Variants in EEA1 observed in about 807,000 individuals in gnomAD.
EEA1 encodes early endosome antigen 1, also known as early endosome antigen 1, 162kD.
A neutral mutation model predicts 209.2 loss-of-function variants in EEA1; 111 were observed. The ratio of observed to expected loss-of-function variants is 0.53; its 90% CI spans 0.45 to 0.62. The LOEUF is 0.62. EEA1 is among the 20% of genes least tolerant of loss of function. EEA1 has a pLI of 0.00. For missense variants in EEA1, 1,343 were observed against 1,530.8 expected (o/e 0.88, Z 2.05); for synonymous variants, 536 against 540.6 (o/e 0.99, Z 0.12).
chr12:92,892,060 C>G (rs1879673849), intron 1 of EEA1, among the ~76,000 whole-genome samples: 1 of 152,048 alleles, frequency 6.6e-6, no homozygotes, highest in South Asian at 2.1e-4. Context: ...AGATTTAAAG[C>G]AGGAAGTGAC....
chr12:92,921,226 T>G (rs1173691533), intron 1 of EEA1, among the ~76,000 whole-genome samples: 5 of 141,798 alleles, frequency 3.5e-5, no homozygotes, highest in East Asian at 2.0e-4. Context: ...AAATACCATT[T>G]GACCCAGCCA....
At chr12:92,787,437 C>T (rs1874182840) in intron 22 of EEA1, among the ~76,000 whole-genome samples, 1 of 151,990 alleles carries the variant, frequency 6.6e-6, no homozygotes, top group Admixed American at 6.6e-5. Flanking sequence ...GCTATAATCT[C>T]CTAATTTTAA....
At chr12:92,917,557 C>G (rs1416014587) in intron 1 of EEA1, among the ~76,000 whole-genome samples, 1 of 150,494 alleles carries the variant, frequency 6.6e-6, no homozygotes, top group Non-Finnish European at 1.5e-5. Flanking sequence ...GAGATTTTGT[C>G]ACCACCAGAC....
At position 92,781,943 on chromosome 12, in the gene EEA1, G is replaced by C; in HGVS notation, c.3336+7C>G. 1 of 1,601,682 alleles carries C rather than the reference G, an allele frequency of 6.2e-7. No homozygotes were observed. On this transcript the variant is annotated splice_region_variant and intron_variant, in intron 23 of 28. Coordinates refer to ENST00000322349, the MANE Select transcript of EEA1 (RefSeq NM_003566.4). ...GATTGTAGATTTAGGTCAGAAACAT[G>C]CAATACCTTTTCTTTCTGAATGTCT...
chr12:92,806,942 A>ATTTTTTTTTTTTTTTTTTTTT (rs34717047), intron 18 of EEA1, among the ~76,000 whole-genome samples: 7 of 147,462 alleles, frequency 4.7e-5, no homozygotes, highest in African/African-American at 1.8e-4. Flanking sequence ...TTTTTTAATA[A>ATTTTTTTTTTTTTTTTTTTTT]TTTTTTTTTT....
At chr12:92,859,292 TC>T in intron 3 of EEA1, 1 of 1,538,828 alleles carries the variant, frequency 6.5e-7, no homozygotes, top group Non-Finnish European at 8.9e-7. Flanking sequence ...TCATCTTTTT[TC>T]CCCATACTTG....
chr12:92,927,453 C>A (rs1008287372), intron 1 of EEA1, among the ~76,000 whole-genome samples: 2 of 152,172 alleles, frequency 1.3e-5, no homozygotes, highest in Admixed American at 6.5e-5. Context: ...TAGGTATGCA[C>A]CAACATTAAA....
At chr12:92,897,362 G>C (rs759858940) in intron 1 of EEA1, among the ~76,000 whole-genome samples, 10 of 152,152 alleles carry the variant, frequency 6.6e-5, no homozygotes, top group Non-Finnish European at 1.5e-4. Context: ...GTTTGCACAG[G>C]AGTGTGACCT....
At chr12:92,806,574 C>T (rs916086829) in intron 18 of EEA1, among the ~76,000 whole-genome samples, 1 of 152,130 alleles carries the variant, frequency 6.6e-6, no homozygotes, top group African/African-American at 2.4e-5. Flanking sequence ...AAATAATATC[C>T]ATCTCATACA....
At chr12:92,780,868 G>A (rs908549493) in intron 23 of EEA1, among the ~76,000 whole-genome samples, 3 of 152,100 alleles carry the variant, frequency 2.0e-5, no homozygotes, top group Non-Finnish European at 4.4e-5. Flanking sequence ...AAGCAAGTCT[G>A]TATGATCTAA....
intron 18 of EEA1, among the ~76,000 whole-genome samples, chr12:92,807,538 C>T (rs1205175794): frequency 6.6e-6 from 1 of 152,026 alleles, no homozygotes; most frequent in African/African-American, 2.4e-5. Flanking sequence ...TAGAAAACAT[C>T]AAGAACTCTA....
chr12:92,794,682 G>A (rs961965532), intron 21 of EEA1, among the ~76,000 whole-genome samples: 3 of 150,334 alleles, frequency 2.0e-5, no homozygotes, highest in African/African-American at 7.3e-5. Context: ...AGTGAACAAT[G>A]AGATCACTTG....
chr12:92,780,311 T>G lies in EEA1; in HGVS notation c.3437A>C (p.Glu1146Ala). 6.2e-7 allele frequency: 1 copy of G among 1,601,768 alleles called. No individual in the cohort carries two copies. The highest frequency in any genetic ancestry group is 8.5e-7 in the Non-Finnish European group (1 of 1,176,616). ...GCTTTCTAGTTTGTGGGACTTGAGT[T>G]CTTCGTTTAGTTTAGTGATTTCTTT... ...QEKEITKLNEELKSHKLESIK... is the reference protein window; with the variant it reads ...QEKEITKLNEALKSHKLESIK... Residue 1146 changes from glutamate to alanine, a missense_variant, in exon 24 of 29, where the codon GAA (glutamate) becomes GCA (alanine). Glu to Ala is a moderately radical substitution (Grantham distance 107, BLOSUM62 -1). Transcript: ENST00000322349.
At chr12:92,868,553 GA>G (rs555643887) in intron 2 of EEA1, among the ~76,000 whole-genome samples, 36 of 152,258 alleles carry the variant, frequency 2.4e-4, no homozygotes, top group Non-Finnish European at 3.7e-4. Context: ...TGATCACACT[GA>G]GGTATGCCAT....
chr12:92,838,261 A>G (rs922133266), intron 10 of EEA1, among the ~76,000 whole-genome samples: 2 of 152,212 alleles, frequency 1.3e-5, no homozygotes, highest in African/African-American at 2.4e-5. Context: ...AATGTGTGCT[A>G]GAGTATTTGA....
In EEA1 at chr12:92,776,903, C is replaced by A; in HGVS notation, c.4054G>T (p.Asp1352Tyr). ...GCCATACAGTTTTGTACTTCATTGTCTTCGGCCCACTTTCTATTCAACGCT... is the reference window on the plus strand; with the variant it reads ...GCCATACAGTTTTGTACTTCATTGTATTCGGCCCACTTTCTATTCAACGCT... The part of the protein sequence containing the change: ...TQALNRKWAE[D>Y]NEVQNCMACG... The change falls in exon 28 of 29, where the codon GAC becomes TAC. Residue 1352 changes from aspartate to tyrosine, a missense_variant. Asp to Tyr is a radical substitution (Grantham distance 160). Transcript: ENST00000322349. The A allele has an allele frequency of 6.2e-7, 1 of 1,611,918 alleles. No individual in the cohort carries two copies. The highest frequency in any genetic ancestry group is 8.5e-7 in the Non-Finnish European group (1 of 1,178,460).
intron 15 of EEA1, 126 bp downstream of exon 15, chr12:92,816,074 C>T: frequency 1.2e-6 from 1 of 810,866 alleles, no homozygotes. Context: ...TAGATATAGC[C>T]TTTATCTAAT....
chr12:92,919,604 A>G (rs1880904513), intron 1 of EEA1, among the ~76,000 whole-genome samples: 1 of 150,600 alleles, frequency 6.6e-6, no homozygotes, highest in Admixed American at 6.7e-5. Flanking sequence ...TTTCAAAATA[A>G]TAAGAGCTAT....
chr12:92,914,305 G>A (rs373866473), intron 1 of EEA1, among the ~76,000 whole-genome samples: 37 of 152,080 alleles, frequency 2.4e-4, no homozygotes, highest in East Asian at 1.5e-3. Flanking sequence ...ATAAGTATGT[G>A]GCTTTATTTC....
Sources: allele counts gnomAD v4.1 joint callset (sites outside exome capture counted in the v4.1 genomes callset), GRCh38; gene constraint gnomAD v4.1.1; transcripts MANE v1.5; gene names NCBI Gene and HGNC (gene_info 2026-07-23, HGNC 2026-07-21).